The following ROPN1L variants were observed in gnomAD, a reference collection of about 807,000 sequenced individuals.
ROPN1L encodes the protein rhophilin associated tail protein 1 like.
Under a neutral mutation model 22.7 loss-of-function variants are expected in ROPN1L, and 23 were observed. That is an observed-to-expected ratio of 1.01 (90% CI 0.73 to 1.43). ROPN1L has a LOEUF of 1.43. ROPN1L is among the 40% of genes most tolerant of loss of function. The pLI is 0.00. For synonymous variants in ROPN1L, 116 were observed against 117.8 expected, an observed-to-expected ratio of 0.98 and a Z score of 0.10; for missense variants, 271 against 291.5, an observed-to-expected ratio of 0.93 and a Z score of 0.51.
chr5:10,456,922 C>T (rs1232255542), intron 3 of ROPN1L, among the ~76,000 whole-genome samples: 1 of 152,164 alleles, frequency 6.6e-6, no homozygotes, highest in African/African-American at 2.4e-5. Context: ...CCTTCCTTTC[C>T]GACTCATCCT....
the ROPN1L span, among the ~76,000 whole-genome samples, chr5:10,482,544 A>C: frequency 6.6e-6 from 1 of 152,112 alleles, no homozygotes; most frequent in African/African-American, 2.4e-5. Flanking sequence ...AGGTTAGGAG[A>C]GATCAGGTTT....
At chr5:10,465,536 CACAA>C (rs1408165107), downstream of ROPN1L, among the ~76,000 whole-genome samples, 4 of 148,648 alleles carry the variant, frequency 2.7e-5, no homozygotes, top group South Asian at 2.2e-4. Context: ...AAAACAAAAA[CACAA>C]ACGAACAAAC....
chr5:10,461,357 T>C lies in ROPN1L; in HGVS notation c.591T>C (p.Asn197=), dbSNP rs1194801395. Residue 197 remains asparagine, a splice_region_variant and synonymous_variant, in exon 4 of 5, where the codon AAT becomes AAC. Transcript: ENST00000274134. ...TESYLASLKE[N]IDARKNGMIG... ...CCTACCTTGCCTCTCTAAAGGAAAA[T>C]ATGTAAGTATGCACCCTCTCTAGGA... 12 of 1,612,366 alleles carry C rather than the reference T, an allele frequency of 7.4e-6. No homozygotes were observed. Among genetic ancestry groups the C allele is most frequent in the Non-Finnish European group, 9.3e-6 (11 of 1,178,750 alleles).
At chr5:10,455,057 T>C (rs1209164306) in intron 3 of ROPN1L, among the ~76,000 whole-genome samples, 1 of 152,178 alleles carries the variant, frequency 6.6e-6, no homozygotes, top group Non-Finnish European at 1.5e-5. Flanking sequence ...TGTCCTGAAG[T>C]GATTCATCCC....
At position 10,451,907 on chromosome 5, in the gene ROPN1L, T is replaced by C. The variant is rs73047678; in HGVS notation, c.417+1794T>C. Reference sequence around the variant, plus strand: ...TATTGGAGACATTTTTATGTCACTTTGTTAATCTGGAACTCTGTGAAATCT... The same window carrying C: ...TATTGGAGACATTTTTATGTCACTTCGTTAATCTGGAACTCTGTGAAATCT... On this transcript the variant is annotated intron_variant, in intron 3 of 4. Transcript: ENST00000274134. Among the ~76,000 whole-genome samples, 433 of 145,998 alleles carry C rather than the reference T, an allele frequency of 3.0e-3. 4 individuals are homozygous for C. Among genetic ancestry groups the C allele is most frequent in the African/African-American group, 0.01 (413 of 40,090 alleles).
chr5:10,447,382 G>A (rs1031722495), intron 1 of ROPN1L, among the ~76,000 whole-genome samples: 6 of 152,144 alleles, frequency 3.9e-5, no homozygotes, highest in Admixed American at 2.0e-4. Context: ...AGCAATATCA[G>A]TGTCCCAGAA....
intron 3 of ROPN1L, among the ~76,000 whole-genome samples, chr5:10,453,870 T>C (rs1198838347): frequency 5.3e-5 from 8 of 152,082 alleles, no homozygotes; most frequent in Admixed American, 5.2e-4. Flanking sequence ...CTGCAGGTTC[T>C]GGAGTGAACA....
chr5:10,457,422 T>C (rs1734853719), intron 3 of ROPN1L, among the ~76,000 whole-genome samples: 1 of 152,210 alleles, frequency 6.6e-6, no homozygotes, highest in African/African-American at 2.4e-5. Flanking sequence ...AGAGCCCGCC[T>C]GGCGGCTGCT....
At chr5:10,480,498 G>T in the ROPN1L span, among the ~76,000 whole-genome samples, 52 of 152,122 alleles carry the variant, frequency 3.4e-4, no homozygotes, top group Admixed American at 1.2e-3. Context: ...TGCACACATT[G>T]GAATTGAGAC....
intron 3 of ROPN1L, among the ~76,000 whole-genome samples, chr5:10,451,695 G>C (rs1432915119): frequency 6.6e-6 from 1 of 152,138 alleles, no homozygotes; most frequent in Non-Finnish European, 1.5e-5. Flanking sequence ...GCTGTAGAAT[G>C]AGCAAGAGTT....
At chr5:10,464,264 C>T (rs947965945) in intron 4 of ROPN1L, among the ~76,000 whole-genome samples, 1 of 152,164 alleles carries the variant, frequency 6.6e-6, no homozygotes, top group Non-Finnish European at 1.5e-5. Flanking sequence ...CCGCAGCTCC[C>T]AAGCCATCCC....
downstream of ROPN1L, chr5:10,472,137 G>A (rs1735256127): frequency 6.6e-6 from 1 of 152,218 alleles, no homozygotes; most frequent in African/African-American, 2.4e-5. Flanking sequence ...AAGTTGGGAG[G>A]AAGGCTGCCT....
the ROPN1L span, among the ~76,000 whole-genome samples, chr5:10,477,761 C>T: frequency 6.6e-6 from 1 of 152,072 alleles, no homozygotes; most frequent in Non-Finnish European, 1.5e-5. Context: ...GAAATCTCAT[C>T]TCTACTAAAA....
chr5:10,469,952 A>C (rs369097232), downstream of ROPN1L, among the ~76,000 whole-genome samples: 9 of 152,336 alleles, frequency 5.9e-5, no homozygotes, highest in East Asian at 5.8e-4. Context: ...ATTTCTTGGC[A>C]ATCACTAACA....
At chr5:10,456,643 A>G (rs1316507459) in intron 3 of ROPN1L, among the ~76,000 whole-genome samples, 1 of 152,186 alleles carries the variant, frequency 6.6e-6, no homozygotes, top group African/African-American at 2.4e-5. Flanking sequence ...TGACTGTGCC[A>G]CCCACAGGCC....
intron 3 of ROPN1L, 64 bp from the exon 4 acceptor site, chr5:10,461,120 G>A: frequency 6.8e-7 from 1 of 1,469,028 alleles, no homozygotes; most frequent in Non-Finnish European, 9.3e-7. Flanking sequence ...GCTGATGCCT[G>A]CTTTCAATGT....
chr5:10,461,161 C>T, intron 3 of ROPN1L, 23 bp from the exon 4 acceptor site: 1 of 1,598,720 alleles, frequency 6.3e-7, no homozygotes, highest in Non-Finnish European at 8.5e-7. Flanking sequence ...GTTTTTCTCC[C>T]CACCTGGCTG....
chr5:10,462,838 G>A (rs1035305344), intron 4 of ROPN1L, among the ~76,000 whole-genome samples: 24 of 152,284 alleles, frequency 1.6e-4, no homozygotes, highest in African/African-American at 5.5e-4. Context: ...ACAGTGACCC[G>A]AGATTGTGCC....
chr5:10,475,768 AG>A, downstream of ROPN1L, among the ~76,000 whole-genome samples: 1 of 152,234 alleles, frequency 6.6e-6, no homozygotes, highest in East Asian at 1.9e-4. Flanking sequence ...AACTACAGAA[AG>A]TAATGGACTC....
Sources: gnomAD v4.1 joint callset for allele counts (sites outside exome capture counted in the v4.1 genomes callset) on GRCh38, gnomAD v4.1.1 for gene constraint, MANE v1.5 for transcripts, NCBI Gene and HGNC (gene_info 2026-07-23, HGNC 2026-07-21) for gene names.